The following MGMT variants were observed in gnomAD, a reference collection of about 807,000 sequenced individuals.
MGMT encodes the protein O-6-methylguanine-DNA methyltransferase.
Under a neutral mutation model 15.9 loss-of-function variants are expected in MGMT, and 14 were observed. That is an observed-to-expected ratio of 0.88 (90% confidence interval 0.58 to 1.37). The LOEUF (loss-of-function observed/expected upper bound fraction) is 1.37, where lower values mean the gene tolerates loss of function less well. Ranked by LOEUF, MGMT falls within the 40% of genes most tolerant of loss-of-function variation. The pLI is 0.00. For synonymous variants in MGMT, 130 were observed against 118.2 expected (o/e 1.10, Z -0.65); for missense variants, 282 against 268.1 (o/e 1.05, Z -0.36).
intron 2 of MGMT, among the ~76,000 whole-genome samples, chr10:129,603,417 G>A (rs949473737): frequency 2.6e-5 from 4 of 152,162 alleles, no homozygotes; most frequent in Non-Finnish European, 5.9e-5. Context: ...CTTAAGCTTT[G>A]GGTTAATTAA....
At chr10:129,612,669 G>C (rs1394472694) in intron 2 of MGMT, among the ~76,000 whole-genome samples, 2 of 152,194 alleles carry the variant, frequency 1.3e-5, no homozygotes, top group African/African-American at 4.8e-5. Flanking sequence ...AGCCTAGCTA[G>C]TGACTTCCAC....
chr10:129,679,860 T>C (rs941320143), intron 2 of MGMT, among the ~76,000 whole-genome samples: 7 of 152,306 alleles, frequency 4.6e-5, no homozygotes, highest in South Asian at 2.1e-4. Flanking sequence ...TTTATAGTTA[T>C]AGAGAGAACT....
Position 129,670,871 on chromosome 10 carries a change from A to G in MGMT, c.126-37024A>G, listed in dbSNP as rs1024139525. Among the ~76,000 whole-genome samples, 7 of 152,350 alleles carry G rather than the reference A, an allele frequency of 4.6e-5. No homozygotes were observed. In the South Asian group the frequency reaches 1.4e-3, roughly 32 times the overall value. On this transcript the variant is annotated intron_variant, in intron 2 of 4. Transcript: ENST00000651593. ...CTCATTGAACTGTATGTATGAAAAG[A>G]TTTAATTTTTCTGTATGTGAAAATT...
At position 129,724,633 on chromosome 10, in the gene MGMT, T is replaced by A. The variant is rs1263732157; in HGVS notation, c.274+16590T>A. On this transcript the variant is annotated intron_variant, in intron 3 of 4. Transcript: ENST00000651593. The stretch of plus-strand genomic sequence containing the variant: ...AGGACTTGGAGAGAGTACACTGATG[T>A]CTGCAGCTTATTTTGAAATGCAGCA... Among the ~76,000 whole-genome samples, 5 of 148,022 alleles carry A rather than the reference T, an allele frequency of 3.4e-5. No homozygotes were observed. The South Asian group carries it at 1.1e-3, about 34-fold the overall frequency.
chr10:129,519,601 C>A (rs148415446), intron 1 of MGMT, among the ~76,000 whole-genome samples: 4 of 152,170 alleles, frequency 2.6e-5, no homozygotes, highest in Non-Finnish European at 5.9e-5. Context: ...TTGGGAACAC[C>A]GGGAGCCGCT....
chr10:129,718,393 A>C (rs1848324613), intron 3 of MGMT, among the ~76,000 whole-genome samples: 1 of 152,156 alleles, frequency 6.6e-6, no homozygotes, highest in South Asian at 2.1e-4. Flanking sequence ...GGCACTGCTG[A>C]GTGCGGGCAG....
At chr10:129,654,604 T>C (rs1462283998) in intron 2 of MGMT, among the ~76,000 whole-genome samples, 1 of 152,012 alleles carries the variant, frequency 6.6e-6, no homozygotes, top group Middle Eastern at 3.2e-3. Context: ...CTTGGAGGGC[T>C]GTGAGGGACC....
intron 2 of MGMT, among the ~76,000 whole-genome samples, chr10:129,649,932 T>C (rs1847437429): frequency 6.6e-6 from 1 of 152,162 alleles, no homozygotes; most frequent in Admixed American, 6.5e-5. Flanking sequence ...TCTGCCTGTA[T>C]TTTTTTTCTT....
At chr10:129,739,069 A>G (rs941945280) in intron 3 of MGMT, among the ~76,000 whole-genome samples, 5 of 152,234 alleles carry the variant, frequency 3.3e-5, no homozygotes, top group African/African-American at 9.6e-5. Context: ...GATTATCTCA[A>G]TAGATGCAGA....
Position 129,767,066 on chromosome 10 carries a change from G to C in MGMT, c.*69G>C. ...CACTGCATCGGATGCGGGGCGTGGA[G>C]GCACCGCTGTATTAAAGGAAGTGGC... On this transcript the variant is annotated 3_prime_UTR_variant, in exon 5 of 5. Coordinates refer to ENST00000651593, the MANE Select transcript of MGMT (RefSeq NM_002412.5). 1.5e-6 allele frequency: 2 copies of C among 1,298,718 alleles called. No homozygotes were observed. The highest frequency in any genetic ancestry group is 2.1e-6 in the Non-Finnish European group (2 of 953,546). 80.4% of individuals were successfully genotyped at this position (1,298,718 alleles called of 1,614,324 possible). A position where few individuals can be genotyped will look rare whatever the true frequency, so the allele number is the denominator to read the frequency against.
At position 129,536,369 on chromosome 10, in the gene MGMT, T is replaced by G; in HGVS notation, c.117T>G (p.Ser39=). The G allele has an allele frequency of 1.2e-6, 2 of 1,613,038 alleles. No individual in the cohort carries two copies. The highest frequency in any genetic ancestry group is 4.5e-5 in the East Asian group (2 of 44,864). ...TAAAGCTCCTGGGCAAGGGGACGTC[T>G]GCAGCTGAGTAAGTATGAGCCCACG... The part of the protein sequence containing the change: ...HEIKLLGKGT[S]AADAVEVPAP... The change falls in exon 2 of 5, where the codon TCT becomes TCG. Residue 39 remains serine (S), a synonymous_variant. Coordinates refer to ENST00000651593, the MANE Select transcript of MGMT (RefSeq NM_002412.5).
intron 2 of MGMT, among the ~76,000 whole-genome samples, chr10:129,691,039 G>A (rs1847963782): frequency 6.6e-6 from 1 of 152,246 alleles, no homozygotes; most frequent in South Asian, 2.1e-4. Context: ...CAACAAAAGG[G>A]AATGGAAATA....
At chr10:129,652,613 C>T (rs1050935525) in intron 2 of MGMT, among the ~76,000 whole-genome samples, 3 of 152,216 alleles carry the variant, frequency 2.0e-5, no homozygotes, top group Non-Finnish European at 4.4e-5. Context: ...GCACCTGACA[C>T]GGTGCTGTCC....
chr10:129,643,031 G>T (rs1180159434), intron 2 of MGMT, among the ~76,000 whole-genome samples: 4 of 152,222 alleles, frequency 2.6e-5, no homozygotes. Flanking sequence ...ATGTGTAGTG[G>T]TTTCTGCGGC....
chr10:129,697,480 T>G (rs1848045488), intron 2 of MGMT, among the ~76,000 whole-genome samples: 1 of 152,136 alleles, frequency 6.6e-6, no homozygotes, highest in Admixed American at 6.5e-5. Context: ...TTACATAACC[T>G]CCGGACCTCA....
At chr10:129,638,957 C>T (rs763634285) in intron 2 of MGMT, among the ~76,000 whole-genome samples, 1 of 152,016 alleles carries the variant, frequency 6.6e-6, no homozygotes, top group Non-Finnish European at 1.5e-5. Context: ...AGACTAACAG[C>T]CTTGTTAGAG....
At chr10:129,736,409 G>C (rs1378257286) in intron 3 of MGMT, among the ~76,000 whole-genome samples, 1 of 150,470 alleles carries the variant, frequency 6.6e-6, no homozygotes, top group African/African-American at 2.4e-5. Context: ...TTTTCCATTT[G>C]CTTGGTAGAT....
chr10:129,526,529 C>T (rs12776599), intron 1 of MGMT, among the ~76,000 whole-genome samples: 37,836 of 152,062 alleles, frequency 0.25, 5,664 homozygotes, highest in African/African-American at 0.43. Context: ...TTAACATGTT[C>T]GTTTTTATGT....
At chr10:129,578,314 A>C (rs1846511158) in intron 2 of MGMT, among the ~76,000 whole-genome samples, 1 of 152,260 alleles carries the variant, frequency 6.6e-6, no homozygotes, top group Admixed American at 6.5e-5. Flanking sequence ...CTGGATTAAG[A>C]AAATGTGGCA....
Sources: allele counts gnomAD v4.1 joint callset (sites outside exome capture counted in the v4.1 genomes callset), GRCh38; gene constraint gnomAD v4.1.1; transcripts MANE v1.5; gene names NCBI Gene and HGNC (gene_info 2026-07-23, HGNC 2026-07-21).